Variants in FAM193A observed in about 807,000 individuals in gnomAD.
FAM193A encodes protein FAM193A.
In FAM193A, 22 loss-of-function variants were observed where a neutral mutation model predicts 126.5. The ratio of observed to expected loss-of-function variants is 0.17; its 90% CI spans 0.12 to 0.25. The LOEUF is 0.25. Ranked by LOEUF, FAM193A falls within the 10% of genes least tolerant of loss-of-function variation. The pLI is 1.00. For missense variants in FAM193A, 1,675 were observed against 1,672.8 expected, an observed-to-expected ratio of 1.00 and a Z score of -0.02; for synonymous variants, 761 against 646.8, an observed-to-expected ratio of 1.18 and a Z score of -2.68.
intron 10 of FAM193A, among the ~76,000 whole-genome samples, chr4:2,661,799 A>G (rs917796673): frequency 5.3e-5 from 8 of 152,154 alleles, no homozygotes; most frequent in African/African-American, 9.7e-5. Context: ...GGAGCATCTT[A>G]TTGCACTGAG....
intron 8 of FAM193A, 45 bp downstream of exon 8, chr4:2,657,925 G>T (rs1193476522): frequency 7.5e-7 from 1 of 1,328,434 alleles, no homozygotes. Context: ...GTAGAAATCT[G>T]TCCTGACAGC....
At chr4:2,598,181 C>T (rs183064770) in intron 2 of FAM193A, among the ~76,000 whole-genome samples, 1 of 152,332 alleles carries the variant, frequency 6.6e-6, no homozygotes, top group East Asian at 1.9e-4. Flanking sequence ...GCATGAGCCA[C>T]CGCGCCTGGC....
At chr4:2,563,919 A>C (rs1385397556) in intron 1 of FAM193A, among the ~76,000 whole-genome samples, 1 of 152,108 alleles carries the variant, frequency 6.6e-6, no homozygotes. Flanking sequence ...CATGCACTAC[A>C]CAATCTAGTA....
chr4:2,711,587 G>A (rs867742991), intron 19 of FAM193A, among the ~76,000 whole-genome samples: 6 of 150,500 alleles, frequency 4.0e-5, no homozygotes, highest in South Asian at 2.1e-4. Context: ...TGATCCACCC[G>A]CCTCTGCCTC....
chr4:2,560,277 C>G (rs1172110009), intron 1 of FAM193A, among the ~76,000 whole-genome samples: 1 of 152,148 alleles, frequency 6.6e-6, no homozygotes, highest in African/African-American at 2.4e-5. Flanking sequence ...GTTCTTCTGT[C>G]TTTGCCTGAT....
chr4:2,660,766 T>G (rs537757822), intron 10 of FAM193A, among the ~76,000 whole-genome samples: 1 of 152,350 alleles, frequency 6.6e-6, no homozygotes, highest in South Asian at 2.1e-4. Flanking sequence ...CCAACTGACT[T>G]GTGTTCATTC....
At chr4:2,612,012 A>G (rs1476652126) in intron 2 of FAM193A, among the ~76,000 whole-genome samples, 2 of 151,178 alleles carry the variant, frequency 1.3e-5, no homozygotes, top group Non-Finnish European at 2.9e-5. Flanking sequence ...AATTTTTTGT[A>G]TTTTTAGTAG....
chr4:2,609,127 T>G (rs1309766868), intron 2 of FAM193A, among the ~76,000 whole-genome samples: 3 of 151,696 alleles, frequency 2.0e-5, no homozygotes, highest in African/African-American at 7.3e-5. Context: ...CTTGTGACCT[T>G]GTGATCCACC....
intron 1 of FAM193A, among the ~76,000 whole-genome samples, chr4:2,550,774 TA>T (rs1316407939): frequency 0.015 from 34 of 2,268 alleles, no homozygotes; most frequent in Non-Finnish European, 0.019. Flanking sequence ...TTTATATTTT[TA>T]TTTATTTATT....
intron 19 of FAM193A, among the ~76,000 whole-genome samples, chr4:2,713,383 C>T: frequency 6.6e-6 from 1 of 152,028 alleles, no homozygotes; most frequent in East Asian, 1.9e-4. Flanking sequence ...TCCAGCCTGG[C>T]AATAGAGCGA....
intron 19 of FAM193A, among the ~76,000 whole-genome samples, chr4:2,706,857 A>G (rs1359235973): frequency 6.6e-6 from 1 of 151,848 alleles, no homozygotes; most frequent in Non-Finnish European, 1.5e-5. Context: ...GGCCGGGCTC[A>G]CACCTGTAAT....
intron 2 of FAM193A, among the ~76,000 whole-genome samples, chr4:2,604,228 T>C (rs1741391315): frequency 6.6e-6 from 1 of 151,920 alleles, no homozygotes; most frequent in Non-Finnish European, 1.5e-5. Context: ...GATTCCTTAT[T>C]AATCACTGTA....
At chr4:2,646,245 C>T (rs1021819918) in intron 6 of FAM193A, among the ~76,000 whole-genome samples, 1 of 140,138 alleles carries the variant, frequency 7.1e-6, no homozygotes, top group Non-Finnish European at 1.5e-5. Context: ...TTTCGGCTCA[C>T]TGCAACCTCC....
At chr4:2,661,093 C>T (rs1306905670) in intron 10 of FAM193A, among the ~76,000 whole-genome samples, 3 of 152,110 alleles carry the variant, frequency 2.0e-5, no homozygotes, top group Non-Finnish European at 4.4e-5. Flanking sequence ...CTGCTGATGT[C>T]AGTTATGGTC....
rs376513122 is a variant in FAM193A at position 2,693,172 on chromosome 4, C to A, written c.2804-414C>A. Among the ~76,000 whole-genome samples the A allele has an allele frequency of 1.1e-4, 16 of 152,294 alleles. No homozygotes were observed. In the East Asian group the frequency reaches 2.7e-3, roughly 26 times the overall value. ...TAGCTGGGACTACAGGTATGTGCCACCACGCCCAGCTAATTTTTTGTATTT... is the reference window on the plus strand; with the variant it reads ...TAGCTGGGACTACAGGTATGTGCCAACACGCCCAGCTAATTTTTTGTATTT... On this transcript the variant is annotated intron_variant, in intron 15 of 20. Transcript: ENST00000637812.
intron 5 of FAM193A, among the ~76,000 whole-genome samples, chr4:2,631,428 C>T (rs1743572468): frequency 6.6e-6 from 1 of 152,046 alleles, no homozygotes; most frequent in African/African-American, 2.4e-5. Flanking sequence ...ACCTTGAGGC[C>T]CAGGGAACGA....
At chr4:2,613,476 A>T (rs1395122258) in intron 2 of FAM193A, among the ~76,000 whole-genome samples, 2 of 140,414 alleles carry the variant, frequency 1.4e-5, no homozygotes, top group South Asian at 2.2e-4. Context: ...TTTTTTTGAG[A>T]CAGAGTTTTG....
intron 2 of FAM193A, among the ~76,000 whole-genome samples, chr4:2,602,544 G>A (rs1167879707): frequency 2.0e-5 from 3 of 151,658 alleles, no homozygotes; most frequent in Admixed American, 6.6e-5. Flanking sequence ...GTACAGATGG[G>A]GTTTCACCAT....
chr4:2,692,106 C>T (rs1716455457), intron 15 of FAM193A, among the ~76,000 whole-genome samples: 1 of 152,168 alleles, frequency 6.6e-6, no homozygotes, highest in African/African-American at 2.4e-5. Context: ...TTAATCAATT[C>T]TCACACTGCT....
Sources: allele counts gnomAD v4.1 joint callset (sites outside exome capture counted in the v4.1 genomes callset), GRCh38; gene constraint gnomAD v4.1.1; transcripts MANE v1.5; gene names NCBI Gene and HGNC (gene_info 2026-07-23, HGNC 2026-07-21).